The following AJAP1 variants were observed in gnomAD, a reference collection of about 807,000 sequenced individuals.
AJAP1 encodes adherens junctions associated protein 1, also known as adherens junction-associated protein 1.
A neutral mutation model predicts 35.0 loss-of-function variants in AJAP1; 5 were observed. The observed-to-expected ratio is 0.14, with a 90% CI of 0.07 to 0.30. The LOEUF is 0.30. Among genes scored for constraint, AJAP1 ranks in the 10% least tolerant of loss-of-function variants. The probability of loss-of-function intolerance (pLI) is 1.00; values close to 1 mark genes in which losing one functional copy is unlikely to be tolerated. For missense variants in AJAP1, 586 were observed against 571.0 expected, an observed-to-expected ratio of 1.03 and a Z score of -0.27; for synonymous variants, 284 against 249.3, an observed-to-expected ratio of 1.14 and a Z score of -1.31.
chr1:4,674,306 T>C (rs1312151331), intron 1 of AJAP1, among the ~76,000 whole-genome samples: 1 of 152,198 alleles, frequency 6.6e-6, no homozygotes, highest in Non-Finnish European at 1.5e-5. Flanking sequence ...TAAAGTTTTA[T>C]TGGCATCACA....
chr1:4,725,496 G>A (rs1640635002), intron 2 of AJAP1, among the ~76,000 whole-genome samples: 2 of 152,276 alleles, frequency 1.3e-5, no homozygotes, highest in South Asian at 4.1e-4. Context: ...TAGACTCCCT[G>A]TTCACACCCA....
At chr1:4,780,606 T>C (rs1375507354) in intron 5 of AJAP1, among the ~76,000 whole-genome samples, 1 of 150,860 alleles carries the variant, frequency 6.6e-6, no homozygotes, top group Admixed American at 6.6e-5. Flanking sequence ...TTCTTTTTTT[T>C]TTCTTTTTTC....
chr1:4,655,034 G>C lies in AJAP1; in HGVS notation c.-392G>C, dbSNP rs2100495379. On this transcript the variant is annotated 5_prime_UTR_variant, in exon 1 of 6. Transcript: ENST00000378191. This position sits in a 1 kb window ranked among gnomAD's most constrained non-coding sequence, Gnocchi z 6.9. The stretch of plus-strand genomic sequence containing the variant: ...ACGCACCGTGAGCGGCAGCGCCGCC[G>C]GCCTCCCTCCTCGCCGCCCCGGAGG... 1 of 150,738 alleles carries C rather than the reference G, an allele frequency of 6.6e-6. No individual in the cohort carries two copies. Among genetic ancestry groups the C allele is most frequent in the East Asian group, 2.0e-4 (1 of 5,100 alleles). The allele number at this position is 150,738 out of a possible 1,614,324, so 9.3% of individuals were successfully genotyped here.
rs1268870740 is a variant in AJAP1, at chr1:4,723,279, G to A, written c.829+10580G>A. ...TCTTGTGACATCCAGCCACCCTGGC[G>A]GCCGTCCAAGGGGAGCGCCTGTGGA... is the stretch of plus-strand genomic sequence containing the variant. On this transcript the variant is annotated intron_variant, in intron 2 of 5. Coordinates refer to ENST00000378191, the MANE Select transcript of AJAP1 (RefSeq NM_018836.4). This position sits in a 1 kb window ranked among gnomAD's most constrained non-coding sequence, Gnocchi z 4.3. 2.0e-5 allele frequency among the ~76,000 whole-genome samples: 3 copies of A among 152,170 alleles called. No homozygotes were observed. Among genetic ancestry groups the A allele is most frequent in the Admixed American group, 6.5e-5 (1 of 15,286 alleles).
At chr1:4,768,082 T>G (rs553412559) in intron 2 of AJAP1, among the ~76,000 whole-genome samples, 43 of 152,246 alleles carry the variant, frequency 2.8e-4, no homozygotes, top group Middle Eastern at 3.4e-3. Context: ...GAGAAGGGAC[T>G]TGCCCAGAGG....
At chr1:4,735,472 G>A (rs1303090665) in intron 2 of AJAP1, among the ~76,000 whole-genome samples, 1 of 152,210 alleles carries the variant, frequency 6.6e-6, no homozygotes, top group Non-Finnish European at 1.5e-5. Flanking sequence ...AGCCTGGTAT[G>A]CAGGCTCAGC....
At chr1:4,736,172 C>T (rs563736099) in intron 2 of AJAP1, among the ~76,000 whole-genome samples, 11 of 152,364 alleles carry the variant, frequency 7.2e-5, no homozygotes, top group African/African-American at 1.7e-4. Flanking sequence ...TCCCTGAGAC[C>T]GTTGACAGAA....
intron 2 of AJAP1, among the ~76,000 whole-genome samples, chr1:4,731,468 C>A (rs1041811133): frequency 1.3e-5 from 2 of 152,210 alleles, no homozygotes; most frequent in Admixed American, 6.5e-5. Flanking sequence ...CCAGGCAGAT[C>A]CTCAGCTCTT....
chr1:4,739,677 C>A (rs1165196708), intron 2 of AJAP1, among the ~76,000 whole-genome samples: 4 of 152,126 alleles, frequency 2.6e-5, no homozygotes, highest in Non-Finnish European at 4.4e-5. Flanking sequence ...GGAGAAAAAA[C>A]CATCTGAAGA....
chr1:4,772,568 G>A (rs1199633748), intron 4 of AJAP1, 43 bp downstream of exon 4: 7 of 1,602,270 alleles, frequency 4.4e-6, no homozygotes, highest in Middle Eastern at 1.7e-4. Flanking sequence ...TGAAGCTCTT[G>A]GTGCTCCTGA....
rs1173168947 is a variant in AJAP1 at position 4,654,725 on chromosome 1, G to A, written c.-701G>A. The stretch of plus-strand genomic sequence containing the variant: ...CTCCTCCGCGCGGCGCCGCCGCCGC[G>A]CGTCCCCACGCCCCGCGCTCCACGG... On this transcript the variant is annotated 5_prime_UTR_variant, in exon 1 of 6. Transcript: ENST00000378191. The surrounding 1 kb of genome is among the most constrained non-coding windows in gnomAD (Gnocchi z 5.1). The A allele has an allele frequency of 1.4e-5, 2 of 147,200 alleles. No individual in the cohort carries two copies. Among genetic ancestry groups the A allele is most frequent in the African/African-American group, 4.9e-5 (2 of 40,856 alleles). 9.1% of individuals were successfully genotyped at this position (147,200 alleles called of 1,614,324 possible).
intron 1 of AJAP1, among the ~76,000 whole-genome samples, chr1:4,673,720 G>A (rs1639296096): frequency 6.6e-6 from 1 of 152,138 alleles, no homozygotes. Flanking sequence ...TCTGGAATTG[G>A]CCAGATGAGG....
intron 2 of AJAP1, among the ~76,000 whole-genome samples, chr1:4,740,596 T>C (rs1449400631): frequency 6.6e-6 from 1 of 151,590 alleles, no homozygotes; most frequent in Non-Finnish European, 1.5e-5. Flanking sequence ...CCATCCTGGC[T>C]AACATGGTGA....
intron 1 of AJAP1, among the ~76,000 whole-genome samples, chr1:4,687,432 C>T (rs925207350): frequency 1.3e-5 from 2 of 152,154 alleles, no homozygotes; most frequent in African/African-American, 2.4e-5. Context: ...TCATGCTCAG[C>T]GTGAGGTCAA....
rs1415408695 is a variant in AJAP1, at chr1:4,792,189, T to G, written c.*9704T>G. The G allele has an allele frequency of 1.3e-5, 2 of 152,176 alleles. No homozygotes were observed. Among genetic ancestry groups the G allele is most frequent in the African/African-American group, 2.4e-5 (1 of 41,444 alleles). 9.4% of individuals were successfully genotyped at this position (152,176 alleles called of 1,614,324 possible). On this transcript the variant is annotated 3_prime_UTR_variant, in exon 6 of 6. Transcript: ENST00000378191. ...TCTCTGTTTTCATGTTCTCCGTATA[T>G]CTATACCACAGCTGTCTCTATAGAC...
intron 2 of AJAP1, among the ~76,000 whole-genome samples, chr1:4,731,695 T>G (rs946048739): frequency 6.6e-6 from 1 of 152,174 alleles, no homozygotes; most frequent in Non-Finnish European, 1.5e-5. Context: ...AGCAGGCTGG[T>G]CCAGAAAGGC....
chr1:4,684,207 C>T (rs569630896), intron 1 of AJAP1, among the ~76,000 whole-genome samples: 17 of 152,314 alleles, frequency 1.1e-4, no homozygotes, highest in African/African-American at 4.1e-4. Flanking sequence ...AATGCATCCC[C>T]AGCTGTTTGG....
intron 1 of AJAP1, among the ~76,000 whole-genome samples, chr1:4,707,680 T>C (rs1200143333): frequency 6.6e-6 from 1 of 152,170 alleles, no homozygotes; most frequent in Admixed American, 6.5e-5. Context: ...GCACGTGAGC[T>C]GAGTCAGCTT....
At chr1:4,727,128 C>T (rs1640681936) in intron 2 of AJAP1, among the ~76,000 whole-genome samples, 1 of 152,246 alleles carries the variant, frequency 6.6e-6, no homozygotes, top group African/African-American at 2.4e-5. Context: ...AGCTGGGGCG[C>T]ACACAGCTCT....
Sources: allele counts gnomAD v4.1 joint callset (sites outside exome capture counted in the v4.1 genomes callset), GRCh38; gene constraint gnomAD v4.1.1; non-coding constraint Gnocchi (gnomAD v3.1); transcripts MANE v1.5; gene names NCBI Gene and HGNC (gene_info 2026-07-23, HGNC 2026-07-21).